The following RGS3 variants were observed in gnomAD, a reference collection of about 807,000 sequenced individuals.
RGS3 encodes the protein regulator of G protein signaling 3.
Under a neutral mutation model 132.6 loss-of-function variants are expected in RGS3, and 80 were observed. The observed-to-expected ratio is 0.60, with a 90% CI of 0.50 to 0.73. The LOEUF is 0.73. Among genes scored for constraint, RGS3 ranks in the 30% least tolerant of loss-of-function variants. The pLI is 0.00. For synonymous variants in RGS3, 598 were observed against 620.6 expected (o/e 0.96, Z 0.54); for missense variants, 1,382 against 1,530.8 (o/e 0.90, Z 1.62).
chr9:113,540,234 C>T (rs930513555), intron 19 of RGS3, among the ~76,000 whole-genome samples: 1 of 152,106 alleles, frequency 6.6e-6, no homozygotes, highest in African/African-American at 2.4e-5. Flanking sequence ...GGCTTCTAAT[C>T]TAGAATAACT....
At chr9:113,465,743 G>T (rs1365726150) in intron 3 of RGS3, among the ~76,000 whole-genome samples, 1 of 152,154 alleles carries the variant, frequency 6.6e-6, no homozygotes, top group African/African-American at 2.4e-5. Flanking sequence ...TTGAACAAGT[G>T]ACTGTGACCT....
chr9:113,459,579 G>C (rs1394207768), upstream of RGS3, among the ~76,000 whole-genome samples: 2 of 151,944 alleles, frequency 1.3e-5, no homozygotes, highest in Non-Finnish European at 2.9e-5. Context: ...GTGAAAACCT[G>C]TCTCTACTAA....
At chr9:113,447,186 C>T (rs1384040891) in intron 1 of RGS3, among the ~76,000 whole-genome samples, 1 of 145,088 alleles carries the variant, frequency 6.9e-6, no homozygotes, top group Non-Finnish European at 1.5e-5. Context: ...TGATTGAACC[C>T]GGGAGGTAGA....
At chr9:113,511,917 A>G (rs1226866691) in intron 14 of RGS3, among the ~76,000 whole-genome samples, 1 of 151,934 alleles carries the variant, frequency 6.6e-6, no homozygotes, top group Non-Finnish European at 1.5e-5. Context: ...ATGGTTTGAG[A>G]CCGAGCAGCC....
At chr9:113,570,522 G>T (rs1294483956) in intron 19 of RGS3, among the ~76,000 whole-genome samples, 1 of 151,326 alleles carries the variant, frequency 6.6e-6, no homozygotes, top group Non-Finnish European at 1.5e-5. Context: ...AAAATTAGAA[G>T]AATACAGCCA....
At chr9:113,523,642 C>T (rs1456822072) in intron 17 of RGS3, among the ~76,000 whole-genome samples, 1 of 152,062 alleles carries the variant, frequency 6.6e-6, no homozygotes. Context: ...CCCAAACTTT[C>T]CACCACGCCC....
chr9:113,543,799 C>T (rs1292579447), intron 19 of RGS3, among the ~76,000 whole-genome samples: 3 of 152,200 alleles, frequency 2.0e-5, no homozygotes, highest in Non-Finnish European at 4.4e-5. Flanking sequence ...CCTGTCCTGA[C>T]AAGCTGCTGA....
chr9:113,557,515 G>A lies in RGS3; in HGVS notation c.2037+20597G>A, dbSNP rs139925959. On this transcript the variant is annotated intron_variant, in intron 19 of 24. Transcript: ENST00000350696. ...CTCTCCCTGGAGTGGGAGATGGGTT[G>A]GTTCCTTGTGAATCACCTGGCTTGA... 8.0e-4 allele frequency among the ~76,000 whole-genome samples: 122 copies of A among 152,334 alleles called. 1 individual carries two copies. The highest frequency in any genetic ancestry group is 2.5e-3 in the African/African-American group (105 of 41,588).
intron 1 of RGS3, among the ~76,000 whole-genome samples, chr9:113,446,634 C>T (rs545735836): frequency 5.9e-5 from 9 of 152,100 alleles, no homozygotes; most frequent in Non-Finnish European, 1.2e-4. Flanking sequence ...GGTAGTTCCT[C>T]GAGAGAAGGG....
chr9:113,465,601 GTTC>G (rs1247241758), intron 3 of RGS3, among the ~76,000 whole-genome samples: 2 of 152,128 alleles, frequency 1.3e-5, no homozygotes, highest in African/African-American at 4.8e-5. Context: ...ATTGGTCCAT[GTTC>G]TTCTATTAGA....
upstream of RGS3, among the ~76,000 whole-genome samples, chr9:113,459,002 T>G (rs1361370487): frequency 6.6e-6 from 1 of 152,244 alleles, no homozygotes; most frequent in Non-Finnish European, 1.5e-5. Flanking sequence ...CCATCCATCT[T>G]GGTCTCCCAA....
intron 3 of RGS3, among the ~76,000 whole-genome samples, chr9:113,466,817 A>G (rs539557388): frequency 2.0e-5 from 3 of 152,358 alleles, no homozygotes; most frequent in Admixed American, 1.3e-4. Flanking sequence ...TGTAACTATT[A>G]TCACAATTTC....
At chr9:113,468,011 C>G (rs1201706129) in intron 3 of RGS3, among the ~76,000 whole-genome samples, 1 of 152,206 alleles carries the variant, frequency 6.6e-6, no homozygotes, top group Non-Finnish European at 1.5e-5. Flanking sequence ...TAGGCATGAA[C>G]CACTGTGTCC....
rs536156272 is a variant in RGS3, at chr9:113,479,549, C to T, written c.466+8C>T. ...GGGTTCTGCTGCTTCACAGTGAGTACGGCTTTGTGCAGGCTCACCAAGGAA... is the reference window on the plus strand; with the variant it reads ...GGGTTCTGCTGCTTCACAGTGAGTATGGCTTTGTGCAGGCTCACCAAGGAA... On this transcript the variant is annotated splice_region_variant and intron_variant, in intron 4 of 24. Coordinates refer to ENST00000350696, the Ensembl canonical transcript of RGS3. 2.9e-5 allele frequency: 46 copies of T among 1,613,912 alleles called. No individual in the cohort carries two copies. Among genetic ancestry groups the T allele is most frequent in the South Asian group, 2.3e-4 (21 of 91,068 alleles).
chr9:113,458,451 G>C (rs1005952980), upstream of RGS3, among the ~76,000 whole-genome samples: 1 of 152,072 alleles, frequency 6.6e-6, no homozygotes, highest in Non-Finnish European at 1.5e-5. Context: ...ATACCAACTT[G>C]ATCATGAATA....
intron 19 of RGS3, among the ~76,000 whole-genome samples, chr9:113,555,507 G>A (rs558373552): frequency 1.5e-4 from 22 of 150,804 alleles, no homozygotes; most frequent in Admixed American, 1.2e-3. Flanking sequence ...TCGCTCTGTC[G>A]CCCAGGCTGG....
intron 14 of RGS3, among the ~76,000 whole-genome samples, chr9:113,509,459 A>G (rs1175574524): frequency 6.6e-6 from 1 of 152,170 alleles, no homozygotes; most frequent in Non-Finnish European, 1.5e-5. Context: ...TGAAGTGCAC[A>G]GATGTCTCTG....
intron 19 of RGS3, among the ~76,000 whole-genome samples, chr9:113,572,429 G>C (rs184465006): frequency 1.3e-5 from 2 of 151,994 alleles, no homozygotes; most frequent in Non-Finnish European, 2.9e-5. Flanking sequence ...CCTGAGGCTC[G>C]GGAGGGTGAC....
At position 113,507,831 on chromosome 9, in the gene RGS3, C is replaced by T. The variant is rs978598835; in HGVS notation, c.1437+193C>T. On this transcript the variant is annotated intron_variant, in intron 13 of 24. Transcript: ENST00000350696. The surrounding 1 kb of genome is among the most constrained non-coding windows in gnomAD (Gnocchi z 5.0). ...GGGAGGACAGATGGGTCTATGTGGC[C>T]TCAGGGCACAGATTCAAGACCAGGG... Among the ~76,000 whole-genome samples the T allele has an allele frequency of 6.6e-5, 10 of 152,196 alleles. No homozygotes were observed. Among genetic ancestry groups the T allele is most frequent in the South Asian group, 2.1e-4 (1 of 4,826 alleles).
Sources: gnomAD v4.1 joint callset for allele counts (sites outside exome capture counted in the v4.1 genomes callset) on GRCh38, gnomAD v4.1.1 for gene constraint, Gnocchi (gnomAD v3.1) non-coding constraint, MANE v1.5 for transcripts, NCBI Gene and HGNC (gene_info 2026-07-23, HGNC 2026-07-21) for gene names.